The following LIG1 variants were observed in gnomAD, a reference collection of about 807,000 sequenced individuals.
LIG1 encodes the protein ligase I, DNA, ATP-dependent.
A neutral mutation model predicts 115.7 loss-of-function variants in LIG1; 70 were observed. The observed-to-expected ratio is 0.60, with a 90% CI of 0.50 to 0.74. The LOEUF (loss-of-function observed/expected upper bound fraction) is 0.74, where lower values mean the gene tolerates loss of function less well. Ranked by LOEUF, LIG1 falls within the 30% of genes least tolerant of loss-of-function variation. LIG1 has a pLI of 0.00. For missense variants in LIG1, 1,115 were observed against 1,225.6 expected (o/e 0.91, Z 1.35); for synonymous variants, 487 against 495.3 (o/e 0.98, Z 0.22).
At position 48,117,645 on chromosome 19, in the gene LIG1, C is replaced by T. The variant is rs760323184; in HGVS notation, c.2576G>A (p.Arg859Gln). 38 of 1,612,438 alleles carry T rather than the reference C, an allele frequency of 2.4e-5. No individual in the cohort carries two copies. The highest frequency in any genetic ancestry group is 1.8e-4 in the Admixed American group (11 of 59,884). Residue 859 changes from arginine (R) to glutamine (Q), a missense_variant, in exon 26 of 28, where the codon CGG (arginine) becomes CAG (glutamine). Arg to Gln is a conservative substitution (Grantham distance 43). Coordinates refer to ENST00000263274, the MANE Select transcript of LIG1 (RefSeq NM_000234.3). ...AGGTCCTCTGCCACTCACCAGGCCC[C>T]GCGCAGCAGGGTAGATGGGAGAGAG... ...LSLSPIYPAA[R>Q]GLVDSDKGIS...
At position 48,137,627 on chromosome 19, in the gene LIG1, G is replaced by C. The variant is rs376714591; in HGVS notation, c.1149C>G (p.Ala383=). 6.2e-7 allele frequency: 1 copy of C among 1,611,360 alleles called. No homozygotes were observed. ...GCCTCTGGGTGCTGCGGCTGTTCTCGGCCACCAGCCCCACGTCGCCTTTCT... is the reference window on the plus strand; with the variant it reads ...GCCTCTGGGTGCTGCGGCTGTTCTCCGCCACCAGCCCCACGTCGCCTTTCT... The part of the protein sequence containing the change: ...AAEKGDVGLV[A]ENSRSTQRLM... Residue 383 remains alanine, a synonymous_variant, in exon 13 of 28, where the codon GCC becomes GCG. Coordinates refer to ENST00000263274, the MANE Select transcript of LIG1 (RefSeq NM_000234.3). The surrounding 1 kb of genome is among the most constrained non-coding windows in gnomAD (Gnocchi z 4.3).
intron 18 of LIG1, among the ~76,000 whole-genome samples, chr19:48,131,410 C>T (rs576727845): frequency 3.3e-5 from 5 of 152,340 alleles, no homozygotes; most frequent in African/African-American, 9.6e-5. Flanking sequence ...CATGTAGGCA[C>T]ATGCACCTTG....
At position 48,137,638 on chromosome 19, in the gene LIG1, C is replaced by T. The variant is rs780947293; in HGVS notation, c.1138G>A (p.Gly380Arg). Residue 380 changes from glycine (G) to arginine (R), a missense_variant, in exon 13 of 28, where the codon GGG becomes AGG. Physicochemically the swap from Gly to Arg is moderately radical, Grantham distance 125. Coordinates refer to ENST00000263274, the MANE Select transcript of LIG1 (RefSeq NM_000234.3). This position sits in a 1 kb window ranked among gnomAD's most constrained non-coding sequence, Gnocchi z 4.3. Reference protein sequence around the residue: ...RAEAAEKGDVGLVAENSRSTQ... With the variant: ...RAEAAEKGDVRLVAENSRSTQ... Reference sequence around the variant, plus strand: ...CTGCGGCTGTTCTCGGCCACCAGCCCCACGTCGCCTTTCTCGGCTGCCTCA... The same window carrying T: ...CTGCGGCTGTTCTCGGCCACCAGCCTCACGTCGCCTTTCTCGGCTGCCTCA... 7 of 1,610,432 alleles carry T rather than the reference C, an allele frequency of 4.3e-6. No individual in the cohort carries two copies. Among genetic ancestry groups the T allele is most frequent in the Non-Finnish European group, 5.9e-6 (7 of 1,179,704 alleles).
At chr19:48,150,990 C>T (rs1001682366) in intron 7 of LIG1, among the ~76,000 whole-genome samples, 2 of 151,788 alleles carry the variant, frequency 1.3e-5, no homozygotes, top group African/African-American at 4.8e-5. Context: ...TGTGAGGCAC[C>T]GTACCCGGCC....
intron 12 of LIG1, among the ~76,000 whole-genome samples, chr19:48,138,829 T>C (rs1020140967): frequency 6.6e-6 from 1 of 152,202 alleles, no homozygotes; most frequent in African/African-American, 2.4e-5. Context: ...AGAGTATTCT[T>C]AACCGACCCC....
intron 1 of LIG1, among the ~76,000 whole-genome samples, chr19:48,168,179 C>T (rs1443187321): frequency 4.6e-5 from 7 of 152,316 alleles, no homozygotes; most frequent in Admixed American, 2.0e-4. Context: ...CTCTTAACCA[C>T]CAGACTGAGT....
At chr19:48,130,621 A>G (rs538910370) in intron 19 of LIG1, among the ~76,000 whole-genome samples, 1 of 152,264 alleles carries the variant, frequency 6.6e-6, no homozygotes, top group South Asian at 2.1e-4. Context: ...TGGCCATGGA[A>G]CCCAGTGCTG....
Position 48,117,724 on chromosome 19 carries a change from C to A in LIG1, c.2497G>T (p.Asp833Tyr), listed in dbSNP as rs747656528. 1.2e-6 allele frequency: 2 copies of A among 1,612,974 alleles called. No homozygotes were observed. Among genetic ancestry groups the A allele is most frequent in the East Asian group, 4.5e-5 (2 of 44,858 alleles). The change falls in exon 26 of 28, where the codon GAC (aspartate) becomes TAC (tyrosine). Residue 833 changes from aspartate to tyrosine, a missense_variant. Coordinates refer to ENST00000263274, the MANE Select transcript of LIG1 (RefSeq NM_000234.3). Reference protein sequence around the residue: ...YVRIDGAVIPDHWLDPSAVWE... With the variant: ...YVRIDGAVIPYHWLDPSAVWE... ...ACAGCGCTGGGGTCCAGCCAGTGGT[C>A]GGGAATCACAGCGCCATCTATCCGC...
At chr19:48,115,844 C>T (rs757330874) in intron 27 of LIG1, 29 bp downstream of exon 27, 14 of 1,595,522 alleles carry the variant, frequency 8.8e-6, no homozygotes, top group African/African-American at 1.3e-5. Flanking sequence ...AGCAGCTGGG[C>T]GGCCCACCCC....
chr19:48,137,620 T>C lies in LIG1; in HGVS notation c.1156A>G (p.Ser386Gly), dbSNP rs1599789196. ...AGCATGAGCCTCTGGGTGCTGCGGC[T>C]GTTCTCGGCCACCAGCCCCACGTCG... is the stretch of plus-strand genomic sequence containing the variant. ...KGDVGLVAENSRSTQRLMLPP... is the reference protein window; with the variant it reads ...KGDVGLVAENGRSTQRLMLPP... The change falls in exon 13 of 28, where the codon AGC (serine) becomes GGC (glycine). Residue 386 changes from serine (S) to glycine (G), a missense_variant. By Grantham distance (56) the Ser-to-Gly change is moderately conservative. Coordinates refer to ENST00000263274, the MANE Select transcript of LIG1 (RefSeq NM_000234.3). The surrounding 1 kb of genome is among the most constrained non-coding windows in gnomAD (Gnocchi z 4.3). 6.2e-7 allele frequency: 1 copy of C among 1,611,998 alleles called. No homozygotes were observed. The highest frequency in any genetic ancestry group is 8.5e-7 in the Non-Finnish European group (1 of 1,179,866).
chr19:48,126,687 GA>G (rs2033690712), intron 21 of LIG1, among the ~76,000 whole-genome samples: 1 of 148,968 alleles, frequency 6.7e-6, no homozygotes, highest in South Asian at 2.1e-4. Context: ...ACACCTATTA[GA>G]AATTTAAAAT....
At chr19:48,135,500 C>A (rs932379327) in intron 16 of LIG1, among the ~76,000 whole-genome samples, 180 bp downstream of exon 16, 1 of 152,180 alleles carries the variant, frequency 6.6e-6, no homozygotes, top group Non-Finnish European at 1.5e-5. Context: ...TTGTCACCAT[C>A]CTTGTGTCAA....
chr19:48,137,829 C>A lies in LIG1; in HGVS notation c.1088-141G>T. On this transcript the variant is annotated intron_variant, in intron 12 of 27. Coordinates refer to ENST00000263274, the MANE Select transcript of LIG1 (RefSeq NM_000234.3). This position sits in a 1 kb window ranked among gnomAD's most constrained non-coding sequence, Gnocchi z 4.3. ...GCACCTCCCTGTGTCTAACGCTCAC[C>A]CACTTGGTAGAAATGGCTTGGGGAA... The A allele has an allele frequency of 9.4e-7, 1 of 1,067,946 alleles. No individual in the cohort carries two copies. The highest frequency in any genetic ancestry group is 1.4e-5 in the South Asian group (1 of 69,274). 66.2% of individuals were successfully genotyped at this position (1,067,946 alleles called of 1,614,324 possible). A position where few individuals can be genotyped will look rare whatever the true frequency, so the allele number is the denominator to read the frequency against.
intron 17 of LIG1, 55 bp downstream of exon 17, chr19:48,133,926 A>G: frequency 1.4e-6 from 2 of 1,459,830 alleles, no homozygotes; most frequent in Non-Finnish European, 1.9e-6. Context: ...CCTCACGCCG[A>G]CTCAGGAGGG....
chr19:48,150,066 G>A, intron 8 of LIG1, 22 bp downstream of exon 8: 1 of 1,614,108 alleles, frequency 6.2e-7, no homozygotes, highest in Non-Finnish European at 8.5e-7. Flanking sequence ...CCCGGGAGGT[G>A]GGGTGAGCAA....
chr19:48,153,773 C>CACCCCA, intron 6 of LIG1, 99 bp downstream of exon 6: 1 of 339,304 alleles, frequency 2.9e-6, no homozygotes, highest in East Asian at 6.8e-5. Flanking sequence ...CACACACACA[C>CACCCCA]CTCTCCTTCT....
rs764071994 is a variant in LIG1 at position 48,131,077 on chromosome 19, T to C, written c.1820A>G (p.Lys607Arg). 2 of 1,613,748 alleles carry C rather than the reference T, an allele frequency of 1.2e-6. No homozygotes were observed. Among genetic ancestry groups the C allele is most frequent in the East Asian group, 4.5e-5 (2 of 44,876 alleles). Residue 607 changes from lysine (K) to arginine (R), a missense_variant and splice_region_variant, in exon 19 of 28, where the codon AAG becomes AGG. Coordinates refer to ENST00000263274, the MANE Select transcript of LIG1 (RefSeq NM_000234.3). ...TGCAAGTGTGTGGCAGACGCCCACC[T>C]TGGGGATGCGGCTGATGATGTCCGG... ...KYPDIISRIP[K>R]IKLPSVTSFI...
At position 48,157,041 on chromosome 19, in the gene LIG1, G is replaced by A. The variant is rs138870911; in HGVS notation, c.343C>T (p.Pro115Ser). 5.0e-6 allele frequency: 8 copies of A among 1,612,034 alleles called. No homozygotes were observed. The African/African-American group carries it at 1.1e-4, about 22-fold the overall frequency. Residue 115 changes from proline (P) to serine (S), a missense_variant, in exon 5 of 28, where the codon CCA becomes TCA. By Grantham distance (74) the Pro-to-Ser change is moderately conservative. Coordinates refer to ENST00000263274, the MANE Select transcript of LIG1 (RefSeq NM_000234.3). ...GTGCGACGCTTCGGAATCCCTGATG[G>A]GGAACTGTCCATGGGAGAGGTGTCA... ...LSDTSPMDSS[P>S]SGIPKRRTAR...
rs370645196 is a variant in LIG1 at position 48,117,700 on chromosome 19, C to G, written c.2521G>C (p.Val841Leu). The change falls in exon 26 of 28, where the codon GTG (valine) becomes CTG (leucine). Residue 841 changes from valine (V) to leucine (L), a missense_variant. Coordinates refer to ENST00000263274, the MANE Select transcript of LIG1 (RefSeq NM_000234.3). ...IPDHWLDPSAVWEVKCADLSL... is the reference protein window; with the variant it reads ...IPDHWLDPSALWEVKCADLSL... ...AGGTCAGCGCACTTCACCTCCCACA[C>G]AGCGCTGGGGTCCAGCCAGTGGTCG... 71 of 1,612,490 alleles carry G rather than the reference C, an allele frequency of 4.4e-5. No homozygotes were observed. The highest frequency in any genetic ancestry group is 6.0e-5 in the Non-Finnish European group (71 of 1,179,634).
Sources: gnomAD v4.1 joint callset for allele counts (sites outside exome capture counted in the v4.1 genomes callset) on GRCh38, gnomAD v4.1.1 for gene constraint, Gnocchi (gnomAD v3.1) non-coding constraint, MANE v1.5 for transcripts, NCBI Gene and HGNC (gene_info 2026-07-23, HGNC 2026-07-21) for gene names.